Variants in ZDBF2 observed in about 807,000 individuals in gnomAD.
The protein encoded by ZDBF2 is DBF4-type zinc finger-containing protein 2.
Under a neutral mutation model 9.4 loss-of-function variants are expected in ZDBF2, and 6 were observed. The ratio of observed to expected loss-of-function variants is 0.64; its 90% CI spans 0.35 to 1.27. The LOEUF is 1.27. ZDBF2 is among the 50% of genes most tolerant of loss of function. The pLI is 0.03. For synonymous variants in ZDBF2, 905 were observed against 946.3 expected, an observed-to-expected ratio of 0.96 and a Z score of 0.80; for missense variants, 2,697 against 2,766.8, an observed-to-expected ratio of 0.97 and a Z score of 0.57.
rs766504470 is a variant in ZDBF2, at chr2:206,306,667, T to C, written c.2139T>C (p.Ser713=). 6.2e-7 allele frequency: 1 copy of C among 1,613,742 alleles called. No homozygotes were observed. Among genetic ancestry groups the C allele is most frequent in the South Asian group, 1.1e-5 (1 of 91,082 alleles). ...CTCTGAGTTCTGATTCTCCGGCTTCTCTTTATCATTCAGCTCATGATGAGC... is the reference window on the plus strand; with the variant it reads ...CTCTGAGTTCTGATTCTCCGGCTTCCCTTTATCATTCAGCTCATGATGAGC... The part of the protein sequence containing the change: ...RSSLSSDSPA[S]LYHSAHDEPQ... Residue 713 remains serine, a synonymous_variant, in exon 5 of 5, where the codon TCT becomes TCC. Coordinates refer to ENST00000374423, the MANE Select transcript of ZDBF2 (RefSeq NM_020923.3).
chr2:206,308,510 G>C lies in ZDBF2; in HGVS notation c.3982G>C (p.Glu1328Gln), dbSNP rs1352390124. Residue 1328 changes from glutamate to glutamine, a missense_variant, in exon 5 of 5, where the codon GAA becomes CAA. Physicochemically the swap from Glu to Gln is conservative, Grantham distance 29. Around this residue, in one of 3 missense-constraint regions of ZDBF2, gnomAD observed 1,783 missense variants for 1,776.5 expected, o/e 1.00. Transcript: ENST00000374423. ...TAAGGGCTATGTGCCCAGTGATTCTGAAATAATTTATGTTTCAAATATCCC... is the reference window on the plus strand; with the variant it reads ...TAAGGGCTATGTGCCCAGTGATTCTCAAATAATTTATGTTTCAAATATCCC... ...DDKGYVPSDS[E>Q]IIYVSNIPLQ... 1 of 1,613,040 alleles carries C rather than the reference G, an allele frequency of 6.2e-7. No individual in the cohort carries two copies. The highest frequency in any genetic ancestry group is 8.5e-7 in the Non-Finnish European group (1 of 1,179,706).
chr2:206,310,163 G>T lies in ZDBF2; in HGVS notation c.5635G>T (p.Ala1879Ser). 1 of 1,613,796 alleles carries T rather than the reference G, an allele frequency of 6.2e-7. No individual in the cohort carries two copies. Among genetic ancestry groups the T allele is most frequent in the Non-Finnish European group, 8.5e-7 (1 of 1,179,826 alleles). The change falls in exon 5 of 5, where the codon GCT becomes TCT. Residue 1879 changes from alanine (A) to serine (S), a missense_variant. Physicochemically the swap from Ala to Ser is moderately conservative, Grantham distance 99. Coordinates refer to ENST00000374423, the MANE Select transcript of ZDBF2 (RefSeq NM_020923.3). ...SSKGKKKVTW[A>S]DLQGKEDTAP... The stretch of plus-strand genomic sequence containing the variant: ...GAAGGGGAAAAAAAAGGTTACCTGG[G>T]CTGACTTGCAAGGTAAGGAGGACAC...
At chr2:206,296,659 T>G (rs1692194517) in intron 3 of ZDBF2, among the ~76,000 whole-genome samples, 1 of 152,216 alleles carries the variant, frequency 6.6e-6, no homozygotes, top group Non-Finnish European at 1.5e-5. Context: ...TCTGTATGTT[T>G]TTAAACTGTA....
At position 206,274,729 on chromosome 2, in the gene ZDBF2, G is replaced by T. The variant is rs1362399379; in HGVS notation, c.-320G>T. On this transcript the variant is annotated 5_prime_UTR_variant, in exon 1 of 5. Coordinates refer to ENST00000374423, the MANE Select transcript of ZDBF2 (RefSeq NM_020923.3). ...CTGCGTGAGTGGAGTCGCGACTCGG[G>T]GCCCGCGTCCTGAGAGACGCGCTCC... The T allele has an allele frequency of 1.3e-5, 2 of 152,228 alleles. No individual in the cohort carries two copies. The highest frequency in any genetic ancestry group is 2.9e-5 in the Non-Finnish European group (2 of 68,052). 9.4% of individuals were successfully genotyped at this position (152,228 alleles called of 1,614,324 possible).
At chr2:206,280,660 G>C (rs1189219022) in intron 2 of ZDBF2, among the ~76,000 whole-genome samples, 1 of 152,188 alleles carries the variant, frequency 6.6e-6, no homozygotes, top group Non-Finnish European at 1.5e-5. Context: ...CCTCATAAAT[G>C]TGAGAAGTCA....
At chr2:206,286,427 C>T (rs1469382362) in intron 3 of ZDBF2, among the ~76,000 whole-genome samples, 2 of 151,942 alleles carry the variant, frequency 1.3e-5, no homozygotes, top group East Asian at 3.8e-4. Flanking sequence ...TATGATGGCC[C>T]TCTTTGTCTC....
intron 1 of ZDBF2, among the ~76,000 whole-genome samples, chr2:206,278,392 C>T (rs763774285): frequency 6.6e-6 from 1 of 152,130 alleles, no homozygotes; most frequent in Non-Finnish European, 1.5e-5. Flanking sequence ...ATAGTTATAT[C>T]CCTTACGCTT....
Position 206,314,031 on chromosome 2 carries a change from A to G in ZDBF2, c.*2438A>G, listed in dbSNP as rs1693297199. On this transcript the variant is annotated 3_prime_UTR_variant, in exon 5 of 5. Coordinates refer to ENST00000374423, the MANE Select transcript of ZDBF2 (RefSeq NM_020923.3). ...AATAAATGTTGGCTTAATTTGCAGA[A>G]TAGATAAAACAATTGATGTTTTTGT... 6.6e-6 allele frequency: 1 copy of G among 152,192 alleles called. No homozygotes were observed. The highest frequency in any genetic ancestry group is 1.5e-5 in the Non-Finnish European group (1 of 68,006). The allele number at this position is 152,192 out of a possible 1,614,324, so 9.4% of individuals were successfully genotyped here. A position where few individuals can be genotyped will look rare whatever the true frequency, so the allele number is the denominator to read the frequency against.
chr2:206,309,112 G>A lies in ZDBF2; in HGVS notation c.4584G>A (p.Val1528=), dbSNP rs1386819524. 2.4e-5 allele frequency: 38 copies of A among 1,613,854 alleles called. No homozygotes were observed. The highest frequency in any genetic ancestry group is 3.1e-5 in the Non-Finnish European group (37 of 1,179,856). The part of the protein sequence containing the change: ...KETHLPKVVL[V]DLVPGDSDYE... ...CCCACCTTCCAAAGGTGGTACTTGT[G>A]GATCTGGTGCCCGGTGATAGTGATT... Residue 1528 remains valine (V), a synonymous_variant, in exon 5 of 5, where the codon GTG becomes GTA. Coordinates refer to ENST00000374423, the MANE Select transcript of ZDBF2 (RefSeq NM_020923.3).
In ZDBF2 at chr2:206,310,449, G is replaced by C. The variant is rs749888561; in HGVS notation, c.5921G>C (p.Arg1974Pro). ...GACCCACCAAAAAGTAAGTGTTCACGTTTACAGGATGACAGAAAAACCAAA... is the reference window on the plus strand; with the variant it reads ...GACCCACCAAAAAGTAAGTGTTCACCTTTACAGGATGACAGAAAAACCAAA... ...EEDPPKSKCS[R>P]LQDDRKTKKK... The change falls in exon 5 of 5, where the codon CGT becomes CCT. Residue 1974 changes from arginine to proline, a missense_variant. Physicochemically the swap from Arg to Pro is moderately radical, Grantham distance 103. Coordinates refer to ENST00000374423, the MANE Select transcript of ZDBF2 (RefSeq NM_020923.3). 1 of 1,613,884 alleles carries C rather than the reference G, an allele frequency of 6.2e-7. No homozygotes were observed. Among genetic ancestry groups the C allele is most frequent in the Non-Finnish European group, 8.5e-7 (1 of 1,179,858 alleles).
At position 206,295,906 on chromosome 2, in the gene ZDBF2, A is replaced by G. The variant is rs370203503; in HGVS notation, c.61-1340A>G. The stretch of plus-strand genomic sequence containing the variant: ...AGAGAGTTACAAGACTGAAAAATTT[A>G]GTGTATTTATTTTAATTTTGTGTTT... On this transcript the variant is annotated intron_variant, in intron 3 of 4. Transcript: ENST00000374423. 2.0e-5 allele frequency among the ~76,000 whole-genome samples: 3 copies of G among 152,150 alleles called. No homozygotes were observed. In the East Asian group the frequency reaches 5.8e-4, roughly 29 times the overall value.
At chr2:206,297,674 G>GT (rs1559142675) in intron 4 of ZDBF2, among the ~76,000 whole-genome samples, 1 of 151,780 alleles carries the variant, frequency 6.6e-6, no homozygotes, top group East Asian at 1.9e-4. Flanking sequence ...GGAAGAGATA[G>GT]TTTTTTTTGT....
chr2:206,297,238 C>G lies in ZDBF2; in HGVS notation c.61-8C>G. 1 of 1,200,086 alleles carries G rather than the reference C, an allele frequency of 8.3e-7. No individual in the cohort carries two copies. The allele number at this position is 1,200,086 out of a possible 1,614,324, so 74.3% of individuals were successfully genotyped here. A position where few individuals can be genotyped will look rare whatever the true frequency, so the allele number is the denominator to read the frequency against. On this transcript the variant is annotated splice_polypyrimidine_tract_variant and splice_region_variant and intron_variant, in intron 3 of 4. Coordinates refer to ENST00000374423, the MANE Select transcript of ZDBF2 (RefSeq NM_020923.3). ...TTTAAAAATATTCCATTTCTTTTTT[C>G]TTTATAGCATTTGTTCAGTGCTCAG...
chr2:206,301,020 A>G (rs111838436), intron 4 of ZDBF2, among the ~76,000 whole-genome samples: 1 of 152,174 alleles, frequency 6.6e-6, no homozygotes, highest in Non-Finnish European at 1.5e-5. Context: ...TAACACTGGG[A>G]TTATCAGCTT....
chr2:206,304,652 C>A, intron 4 of ZDBF2, 65 bp from the exon 5 acceptor site: 1 of 1,509,572 alleles, frequency 6.6e-7, no homozygotes, highest in East Asian at 2.3e-5. Context: ...ATTTATTATG[C>A]CTCTATTTTA....
At position 206,306,918 on chromosome 2, in the gene ZDBF2, C is replaced by T. The variant is rs369666695; in HGVS notation, c.2390C>T (p.Pro797Leu). ...SSEITFDSDI[P>L]LYSVIDQPEV... ...GAAATAACTTTTGATTCTGATATTC[C>T]TCTTTATTCAGTAATTGACCAACCT... Residue 797 changes from proline (P) to leucine (L), a missense_variant, in exon 5 of 5, where the codon CCT becomes CTT. By Grantham distance (98) the Pro-to-Leu change is moderately conservative. This residue lies in a region of ZDBF2 where 910 missense variants were observed against 973.6 expected (regional missense o/e 0.93). Transcript: ENST00000374423. 1.2e-6 allele frequency: 2 copies of T among 1,613,660 alleles called. No individual in the cohort carries two copies. The highest frequency in any genetic ancestry group is 1.7e-5 in the Admixed American group (1 of 59,992).
Position 206,306,686 on chromosome 2 carries a change from G to A in ZDBF2, c.2158G>A (p.Asp720Asn). 6.2e-7 allele frequency: 1 copy of A among 1,613,772 alleles called. No individual in the cohort carries two copies. Among genetic ancestry groups the A allele is most frequent in the Non-Finnish European group, 8.5e-7 (1 of 1,179,766 alleles). Residue 720 changes from aspartate (D) to asparagine (N), a missense_variant, in exon 5 of 5, where the codon GAT (aspartate) becomes AAT (asparagine). Asp to Asn is a conservative substitution (Grantham distance 23, BLOSUM62 1). This residue lies in a region of ZDBF2 where 910 missense variants were observed against 973.6 expected (regional missense o/e 0.93). Coordinates refer to ENST00000374423, the MANE Select transcript of ZDBF2 (RefSeq NM_020923.3). ...GGCTTCTCTTTATCATTCAGCTCATGATGAGCCTCAAGAAGCTTTGGATGA... is the reference window on the plus strand; with the variant it reads ...GGCTTCTCTTTATCATTCAGCTCATAATGAGCCTCAAGAAGCTTTGGATGA... ...SPASLYHSAH[D>N]EPQEALDEVN... is the part of the protein sequence containing the mutation.
intron 3 of ZDBF2, among the ~76,000 whole-genome samples, chr2:206,293,070 ACTTTAGT>A (rs748371149): frequency 4.5e-4 from 68 of 152,302 alleles, no homozygotes; most frequent in African/African-American, 6.3e-4. Flanking sequence ...AACTTATGAA[ACTTTAGT>A]CTTTAGTCTT....
At chr2:206,302,189 T>C (rs1382950770) in intron 4 of ZDBF2, among the ~76,000 whole-genome samples, 2 of 152,004 alleles carry the variant, frequency 1.3e-5, no homozygotes, top group African/African-American at 4.8e-5. Context: ...TTTAAATTTT[T>C]TGTAGAAACA....
Sources: allele counts gnomAD v4.1 joint callset (sites outside exome capture counted in the v4.1 genomes callset), GRCh38; gene constraint gnomAD v4.1.1; regional missense constraint gnomAD v4.1.1; transcripts MANE v1.5; gene names NCBI Gene and HGNC (gene_info 2026-07-23, HGNC 2026-07-21).